The following XPO6 variants were observed in gnomAD, a reference collection of about 807,000 sequenced individuals.
The protein encoded by XPO6 is exportin 6, also known as exportin-6.
Under a neutral mutation model 130.0 loss-of-function variants are expected in XPO6, and 3 were observed. The observed-to-expected ratio is 0.02, with a 90% CI of 0.01 to 0.06. The LOEUF (loss-of-function observed/expected upper bound fraction) is 0.06. Ranked by LOEUF, XPO6 falls within the 10% of genes least tolerant of loss-of-function variation. The pLI, the probability that XPO6 is intolerant of heterozygous loss-of-function variation, is 1.00. For missense variants in XPO6, 970 were observed against 1,393.0 expected (o/e 0.70, Z 4.83); for synonymous variants, 524 against 548.9 (o/e 0.95, Z 0.63).
intron 8 of XPO6, among the ~76,000 whole-genome samples, chr16:28,151,766 G>A (rs1267888482): frequency 2.0e-5 from 3 of 152,138 alleles, no homozygotes; most frequent in East Asian, 1.9e-4. Flanking sequence ...GGTAGCTCAC[G>A]CCTGTAACAC....
chr16:28,208,972 G>A (rs1270923446), intron 1 of XPO6: 2 of 152,238 alleles, frequency 1.3e-5, no homozygotes, highest in Non-Finnish European at 2.9e-5. Context: ...TATATGAAAT[G>A]CAGCACATAC....
chr16:28,144,332 T>C (rs1175690513), intron 9 of XPO6, among the ~76,000 whole-genome samples: 2 of 152,156 alleles, frequency 1.3e-5, no homozygotes, highest in Non-Finnish European at 2.9e-5. Context: ...AAAATAAAAT[T>C]CTCAACAGAA....
In XPO6 at chr16:28,132,024, C is replaced by T. The variant is rs371260501; in HGVS notation, c.1606+310G>A. Among the ~76,000 whole-genome samples the T allele has an allele frequency of 6.6e-6, 1 of 152,338 alleles. No individual in the cohort carries two copies. Among genetic ancestry groups the T allele is most frequent in the East Asian group, 1.9e-4 (1 of 5,178 alleles). The stretch of plus-strand genomic sequence containing the variant: ...GCACAAGGCCATGTTCTCCCTAGTA[C>T]ACCTGCTGGTTGAAAGGACATAAGG... On this transcript the variant is annotated intron_variant, in intron 12 of 23. Coordinates refer to ENST00000304658, the MANE Select transcript of XPO6 (RefSeq NM_015171.4). This position sits in a 1 kb window ranked among gnomAD's most constrained non-coding sequence, Gnocchi z 4.0.
chr16:28,204,176 G>A (rs1405173102), intron 1 of XPO6, among the ~76,000 whole-genome samples: 1 of 152,112 alleles, frequency 6.6e-6, no homozygotes, highest in Non-Finnish European at 1.5e-5. Context: ...ATGAACAAAA[G>A]AGAGATTCCC....
rs971607328 is a variant in XPO6, at chr16:28,131,356, G to A, written c.1606+978C>T. Among the ~76,000 whole-genome samples the A allele has an allele frequency of 2.0e-5, 3 of 152,296 alleles. No individual in the cohort carries two copies. In the South Asian group the frequency reaches 6.2e-4, roughly 32 times the overall value. ...AATCACAAGCTCATCCAGGAGATGG[G>A]CTGCACACTGGGCGGCTCTGTGCTG... On this transcript the variant is annotated intron_variant, in intron 12 of 23. Transcript: ENST00000304658.
intron 1 of XPO6, among the ~76,000 whole-genome samples, chr16:28,195,536 T>C (rs150308173): frequency 0.011 from 1,628 of 152,262 alleles, 12 homozygotes; most frequent in Non-Finnish European, 0.017. Context: ...GCGGACCACT[T>C]GAGGTCAGGA....
At position 28,128,501 on chromosome 16, in the gene XPO6, C is replaced by T. The variant is rs368327726; in HGVS notation, c.1607-2653G>A. On this transcript the variant is annotated intron_variant, in intron 12 of 23. Coordinates refer to ENST00000304658, the MANE Select transcript of XPO6 (RefSeq NM_015171.4). Reference sequence around the variant, plus strand: ...TCCAATTCCTTCAACTAGGTACCTGCTGAATACCTGAGAACAAGCTTCTTA... The same window carrying T: ...TCCAATTCCTTCAACTAGGTACCTGTTGAATACCTGAGAACAAGCTTCTTA... Among the ~76,000 whole-genome samples the T allele has an allele frequency of 1.2e-4, 19 of 152,278 alleles. 1 individual carries two copies. In the South Asian group the frequency reaches 3.7e-3, roughly 30 times the overall value.
At chr16:28,204,300 T>C (rs927571949) in intron 1 of XPO6, among the ~76,000 whole-genome samples, 2 of 151,974 alleles carry the variant, frequency 1.3e-5, no homozygotes, top group African/African-American at 4.8e-5. Context: ...AAGCAGGATG[T>C]CAGGGACTGG....
chr16:28,127,643 C>T (rs965960611), intron 12 of XPO6, among the ~76,000 whole-genome samples: 5 of 152,166 alleles, frequency 3.3e-5, no homozygotes, highest in African/African-American at 1.2e-4. Context: ...CTACAAAGCA[C>T]GTGGCAAATG....
intron 15 of XPO6, among the ~76,000 whole-genome samples, chr16:28,115,650 C>G (rs1021487332): frequency 1.3e-5 from 2 of 152,196 alleles, no homozygotes; most frequent in African/African-American, 4.8e-5. Flanking sequence ...CCTGAAGTCT[C>G]CAGTTGCAGT....
At chr16:28,143,022 T>G (rs2042922839) in intron 9 of XPO6, among the ~76,000 whole-genome samples, 1 of 152,222 alleles carries the variant, frequency 6.6e-6, no homozygotes, top group African/African-American at 2.4e-5. Context: ...GTTGTTTTAT[T>G]TTTCAAAGGC....
Position 28,098,048 on chromosome 16 carries a change from T to A in XPO6, c.*490A>T, listed in dbSNP as rs1369289181. On this transcript the variant is annotated 3_prime_UTR_variant, in exon 24 of 24. Coordinates refer to ENST00000304658, the MANE Select transcript of XPO6 (RefSeq NM_015171.4). Reference sequence around the variant, plus strand: ...TTAGTTTCTTAGTATCACAATGGAATGATGAGAAAACAACAAAAACGTGAG... The same window carrying A: ...TTAGTTTCTTAGTATCACAATGGAAAGATGAGAAAACAACAAAAACGTGAG... 1 of 153,378 alleles carries A rather than the reference T, an allele frequency of 6.5e-6. No homozygotes were observed. Among genetic ancestry groups the A allele is most frequent in the Non-Finnish European group, 1.5e-5 (1 of 68,616 alleles). 9.5% of individuals were successfully genotyped at this position (153,378 alleles called of 1,614,324 possible). A position where few individuals can be genotyped will look rare whatever the true frequency, so the allele number is the denominator to read the frequency against.
At chr16:28,178,166 A>G (rs2043561198) in intron 2 of XPO6, among the ~76,000 whole-genome samples, 1 of 152,204 alleles carries the variant, frequency 6.6e-6, no homozygotes, top group Non-Finnish European at 1.5e-5. Context: ...GAGATTCTAG[A>G]AAGCCTTTGG....
chr16:28,207,400 T>C (rs1448986538), intron 1 of XPO6, among the ~76,000 whole-genome samples: 1 of 152,160 alleles, frequency 6.6e-6, no homozygotes, highest in East Asian at 1.9e-4. Context: ...TACTAAGTAA[T>C]AATTTCTCAG....
intron 23 of XPO6, among the ~76,000 whole-genome samples, chr16:28,100,624 G>A (rs2086635892): frequency 3.3e-5 from 5 of 152,222 alleles, no homozygotes; most frequent in Admixed American, 2.0e-4. Context: ...GAGGACTCAG[G>A]TCAAGAACCC....
chr16:28,108,635 G>A (rs1388730767), intron 17 of XPO6, among the ~76,000 whole-genome samples: 1 of 152,222 alleles, frequency 6.6e-6, no homozygotes, highest in East Asian at 1.9e-4. Context: ...CCATGGCTCA[G>A]CCTGAGCCTA....
chr16:28,133,558 C>T (rs538449011), intron 11 of XPO6, among the ~76,000 whole-genome samples: 1 of 152,274 alleles, frequency 6.6e-6, no homozygotes, highest in East Asian at 1.9e-4. Context: ...AGTAACAGCT[C>T]CCACTCGGCC....
chr16:28,100,643 C>T (rs1024363990), intron 23 of XPO6, among the ~76,000 whole-genome samples: 1 of 152,214 alleles, frequency 6.6e-6, no homozygotes. Flanking sequence ...CCCAAGAGGA[C>T]CAGGGAGAAA....
At chr16:28,176,638 C>A (rs1372737177) in intron 3 of XPO6, among the ~76,000 whole-genome samples, 1 of 151,624 alleles carries the variant, frequency 6.6e-6, no homozygotes, top group Non-Finnish European at 1.5e-5. Context: ...GCTGGGACTA[C>A]AGGCACCCGC....
Sources: allele counts gnomAD v4.1 joint callset (sites outside exome capture counted in the v4.1 genomes callset), GRCh38; gene constraint gnomAD v4.1.1; non-coding constraint Gnocchi (gnomAD v3.1); transcripts MANE v1.5; gene names NCBI Gene and HGNC (gene_info 2026-07-23, HGNC 2026-07-21).